ARSK: variants seen among roughly 807,000 people sequenced by gnomAD.
ARSK encodes the protein arylsulfatase K.
ARSK carries 37 observed loss-of-function variants against 53.2 expected under a neutral mutation model. The observed-to-expected ratio is 0.70, with a 90% CI of 0.54 to 0.92. The LOEUF is 0.92. Among genes scored for constraint, ARSK ranks in the 40% least tolerant of loss-of-function variants. ARSK has a pLI of 0.00. For synonymous variants in ARSK, 208 were observed against 223.2 expected (o/e 0.93, Z 0.61); for missense variants, 613 against 643.0 (o/e 0.95, Z 0.51).
At chr5:95,568,295 G>A (rs534809647) in intron 3 of ARSK, among the ~76,000 whole-genome samples, 5 of 151,986 alleles carry the variant, frequency 3.3e-5, no homozygotes, top group African/African-American at 1.2e-4. Context: ...TTGTAAACTC[G>A]TTTAGCCCAC....
intron 3 of ARSK, among the ~76,000 whole-genome samples, chr5:95,578,321 ATTT>A (rs543934915): frequency 7.1e-6 from 1 of 140,104 alleles, no homozygotes; most frequent in Non-Finnish European, 1.6e-5. Context: ...CCAGTGAAGA[ATTT>A]TTTTTTTTTT....
intron 6 of ARSK, among the ~76,000 whole-genome samples, chr5:95,598,434 G>A (rs1237743146): frequency 6.6e-6 from 1 of 152,064 alleles, no homozygotes; most frequent in Non-Finnish European, 1.5e-5. Flanking sequence ...AATACTTGAA[G>A]TATTTATTAA....
At chr5:95,579,161 T>A (rs1049045967) in intron 3 of ARSK, among the ~76,000 whole-genome samples, 9 of 152,184 alleles carry the variant, frequency 5.9e-5, no homozygotes, top group African/African-American at 2.2e-4. Flanking sequence ...CAGAAAAAAA[T>A]TCTTAAACTG....
intron 7 of ARSK, among the ~76,000 whole-genome samples, chr5:95,601,598 T>C (rs1302573123): frequency 2.0e-5 from 3 of 152,174 alleles, no homozygotes. Context: ...TCTTACAGCT[T>C]CTAAAAAATG....
At chr5:95,556,297 G>C in intron 1 of ARSK, 1 of 699,140 alleles carries the variant, frequency 1.4e-6, no homozygotes, top group Non-Finnish European at 2.6e-6. Context: ...TTTAAACTTA[G>C]AGAATGGGCA....
intron 3 of ARSK, among the ~76,000 whole-genome samples, chr5:95,569,465 G>A (rs1748786397): frequency 6.6e-6 from 1 of 152,058 alleles, no homozygotes; most frequent in South Asian, 2.1e-4. Flanking sequence ...AATCATGACT[G>A]CTGTCTTTAT....
intron 6 of ARSK, among the ~76,000 whole-genome samples, chr5:95,598,181 A>C (rs1423386883): frequency 6.6e-6 from 1 of 151,970 alleles, no homozygotes; most frequent in Admixed American, 6.6e-5. Context: ...ACATTAAGTC[A>C]CTCTTGCTTA....
At position 95,555,249 on chromosome 5, in the gene ARSK, GGCGGCAGGCTCTCAGAACC is replaced by G. The variant is rs1363041933; in HGVS notation, c.-27_-9del. The G allele has an allele frequency of 1.3e-6, 2 of 1,568,042 alleles. No individual in the cohort carries two copies. Among genetic ancestry groups the G allele is most frequent in the African/African-American group, 2.7e-5 (2 of 73,748 alleles). On this transcript the variant is annotated 5_prime_UTR_variant, in exon 1 of 8. Coordinates refer to ENST00000380009, the MANE Select transcript of ARSK (RefSeq NM_198150.3). The surrounding 1 kb of genome is among the most constrained non-coding windows in gnomAD (Gnocchi z 4.0). ...AACGCCAGAGGGAGGCGGCTGGCCC[GGCGGCAGGCTCTCAGAACC>G]GCTACCGGCGATGCTACTGCTGTGG...
chr5:95,588,586 G>GT (rs1217859230), intron 5 of ARSK, among the ~76,000 whole-genome samples: 2 of 151,976 alleles, frequency 1.3e-5, no homozygotes, highest in Non-Finnish European at 1.5e-5. Flanking sequence ...CATTGTGTTT[G>GT]TTAACAAACA....
intron 5 of ARSK, 118 bp from the exon 6 acceptor site, chr5:95,591,283 T>G: frequency 2.4e-6 from 2 of 832,026 alleles, no homozygotes; most frequent in Non-Finnish European, 3.8e-6. Context: ...TAGGTAATAT[T>G]CAGATGTTAA....
At chr5:95,556,166 A>G in intron 1 of ARSK, 1 of 701,958 alleles carries the variant, frequency 1.4e-6, no homozygotes, top group Non-Finnish European at 2.6e-6. Flanking sequence ...ATCTGGCACT[A>G]AAGAGTGTTT....
rs1749443567 is a variant in ARSK, at chr5:95,603,422, A to G, written c.1507A>G (p.Ile503Val). The G allele has an allele frequency of 1.2e-6, 2 of 1,613,760 alleles. No individual in the cohort carries two copies. Among genetic ancestry groups the G allele is most frequent in the Non-Finnish European group, 1.7e-6 (2 of 1,179,838 alleles). ...TATAGGACAGAATTATTCAAACGTTATAGCAAATCTTAGGTGGCACCAAGA... is the reference window on the plus strand; with the variant it reads ...TATAGGACAGAATTATTCAAACGTTGTAGCAAATCTTAGGTGGCACCAAGA... ...QSIGQNYSNV[I>V]ANLRWHQDWQ... is the part of the protein sequence containing the mutation. Residue 503 changes from isoleucine to valine, a missense_variant, in exon 8 of 8, where the codon ATA becomes GTA. Ile to Val is a conservative substitution (Grantham distance 29, BLOSUM62 3). Transcript: ENST00000380009.
At chr5:95,580,671 AT>A (rs548153585) in intron 3 of ARSK, among the ~76,000 whole-genome samples, 2 of 152,154 alleles carry the variant, frequency 1.3e-5, no homozygotes, top group Admixed American at 6.6e-5. Flanking sequence ...TACTCCTCTT[AT>A]TGTGTTTCAT....
Position 95,590,584 on chromosome 5 carries a change from T to C in ARSK, c.872-817T>C, listed in dbSNP as rs534308064. 9.8e-5 allele frequency among the ~76,000 whole-genome samples: 15 copies of C among 152,310 alleles called. No homozygotes were observed. The East Asian group carries it at 2.7e-3, about 27-fold the overall frequency. On this transcript the variant is annotated intron_variant, in intron 5 of 7. Transcript: ENST00000380009. ...TGAAAAATCAAGAGAGTCTCAACTC[T>C]GCAAATAACTCCATAGAGCAGTGAA...
At chr5:95,579,086 G>GTT (rs1748977319) in intron 3 of ARSK, among the ~76,000 whole-genome samples, 1 of 152,130 alleles carries the variant, frequency 6.6e-6, no homozygotes, top group Non-Finnish European at 1.5e-5. Flanking sequence ...ATAGGCTACT[G>GTT]TTGAAGCTCC....
At chr5:95,575,160 A>G (rs1748903383) in intron 3 of ARSK, among the ~76,000 whole-genome samples, 2 of 152,056 alleles carry the variant, frequency 1.3e-5, no homozygotes, top group Non-Finnish European at 2.9e-5. Context: ...CTGTAGGTGT[A>G]TGGAGTTGTT....
At chr5:95,572,758 A>G (rs1291183200) in intron 3 of ARSK, among the ~76,000 whole-genome samples, 3 of 151,616 alleles carry the variant, frequency 2.0e-5, no homozygotes, top group Non-Finnish European at 4.4e-5. Context: ...GGCCTGGGTG[A>G]AAGAGCGAGA....
chr5:95,600,309 T>C (rs994593002), intron 6 of ARSK, among the ~76,000 whole-genome samples: 2 of 152,232 alleles, frequency 1.3e-5, no homozygotes, highest in South Asian at 4.1e-4. Context: ...GTTTATCATA[T>C]ACATCAGCAA....
chr5:95,586,566 C>G lies in ARSK; in HGVS notation c.704C>G (p.Ser235Cys), dbSNP rs376640045. ...HTSLYWLEKV[S>C]HDAIKIPKWS... is the part of the protein sequence containing the mutation. ...AGTTTTTTCTCCCCTTTTTAGGTGT[C>G]TCATGATGCCATCAAAATCCCAAAG... is the stretch of plus-strand genomic sequence containing the variant. Residue 235 changes from serine (S) to cysteine (C), a missense_variant, in exon 5 of 8, where the codon TCT becomes TGT. By Grantham distance (112) the Ser-to-Cys change is moderately radical. Transcript: ENST00000380009. 4.3e-6 allele frequency: 7 copies of G among 1,610,376 alleles called. No homozygotes were observed. In the African/African-American group the frequency reaches 9.4e-5, roughly 22 times the overall value.
Sources: allele counts gnomAD v4.1 joint callset (sites outside exome capture counted in the v4.1 genomes callset), GRCh38; gene constraint gnomAD v4.1.1; non-coding constraint Gnocchi (gnomAD v3.1); transcripts MANE v1.5; gene names NCBI Gene and HGNC (gene_info 2026-07-23, HGNC 2026-07-21).